The following RELN variants were observed in gnomAD, a reference collection of about 807,000 sequenced individuals.
RELN encodes reelin.
In RELN, 108 loss-of-function variants were observed where a neutral mutation model predicts 427.6. The observed-to-expected ratio is 0.25, with a 90% CI of 0.22 to 0.30. The LOEUF is 0.30. RELN is among the 10% of genes least tolerant of loss of function. RELN has a pLI of 1.00. For synonymous variants in RELN, 1,524 were observed against 1,513.4 expected, an observed-to-expected ratio of 1.01 and a Z score of -0.16; for missense variants, 3,715 against 4,302.8, an observed-to-expected ratio of 0.86 and a Z score of 3.82.
rs561938764 is a variant in RELN at position 103,755,492 on chromosome 7, C to G, written c.545-2278G>C. Among the ~76,000 whole-genome samples the G allele has an allele frequency of 4.6e-5, 7 of 151,942 alleles. No homozygotes were observed. In the East Asian group the frequency reaches 1.4e-3, roughly 29 times the overall value. On this transcript the variant is annotated intron_variant, in intron 4 of 64. Transcript: ENST00000428762. ...GCGTGGTGGCGGTCGCCTGTAGTCC[C>G]AGCTGCTCAGGAGGCTGAGGCAGGA...
At chr7:103,813,301 G>A (rs1335832728) in intron 3 of RELN, among the ~76,000 whole-genome samples, 1 of 152,140 alleles carries the variant, frequency 6.6e-6, no homozygotes, top group Non-Finnish European at 1.5e-5. Context: ...AATGAGAAAA[G>A]TTATAGCCAA....
intron 20 of RELN, among the ~76,000 whole-genome samples, chr7:103,617,641 A>G (rs959913595): frequency 6.6e-6 from 1 of 151,186 alleles, no homozygotes; most frequent in African/African-American, 2.5e-5. Context: ...ATATATATAC[A>G]TGTGTGTATA....
intron 2 of RELN, among the ~76,000 whole-genome samples, chr7:103,898,392 T>C (rs916866840): frequency 6.6e-6 from 1 of 152,066 alleles, no homozygotes; most frequent in Admixed American, 6.6e-5. Context: ...AATTTTCCTA[T>C]CATAGTGTTT....
chr7:103,774,402 T>G (rs1791685253), intron 4 of RELN, among the ~76,000 whole-genome samples: 1 of 152,164 alleles, frequency 6.6e-6, no homozygotes, highest in Non-Finnish European at 1.5e-5. Flanking sequence ...TCCTTTTACT[T>G]TTTCAATATG....
At chr7:103,734,537 T>C (rs1056388883) in intron 6 of RELN, among the ~76,000 whole-genome samples, 69 of 152,280 alleles carry the variant, frequency 4.5e-4, no homozygotes, top group Non-Finnish European at 1.3e-4. Context: ...TCAAAAACCA[T>C]TGAAAGCTTG....
intron 40 of RELN, among the ~76,000 whole-genome samples, chr7:103,552,088 A>AC (rs1830425696): frequency 6.6e-6 from 1 of 151,836 alleles, no homozygotes; most frequent in East Asian, 1.9e-4. Flanking sequence ...GTCTCCTCTC[A>AC]CCTACTTCTT....
chr7:103,804,958 T>C (rs1370597701), intron 3 of RELN, among the ~76,000 whole-genome samples: 3 of 152,028 alleles, frequency 2.0e-5, no homozygotes, highest in Non-Finnish European at 2.9e-5. Context: ...CATCAGGAGG[T>C]CTAGCAGGGA....
chr7:103,598,197 A>G (rs1831583560), intron 24 of RELN, among the ~76,000 whole-genome samples: 1 of 152,222 alleles, frequency 6.6e-6, no homozygotes, highest in African/African-American at 2.4e-5. Context: ...AAAATAAACA[A>G]GGGTGCTAGC....
chr7:103,566,833 G>A (rs1490903986), intron 31 of RELN, 74 bp from the exon 32 acceptor site: 3 of 1,427,838 alleles, frequency 2.1e-6, no homozygotes, highest in African/African-American at 2.8e-5. Context: ...CTTAAATGGT[G>A]AGACTGCAGC....
chr7:103,757,348 C>G (rs2116109859), intron 4 of RELN, among the ~76,000 whole-genome samples: 1 of 152,230 alleles, frequency 6.6e-6, no homozygotes, highest in East Asian at 1.9e-4. Context: ...TAGATTGAAT[C>G]ATTGAATTTT....
chr7:103,641,531 A>T (rs1236295527), intron 16 of RELN, among the ~76,000 whole-genome samples: 2 of 152,138 alleles, frequency 1.3e-5, no homozygotes, highest in Non-Finnish European at 2.9e-5. Flanking sequence ...CATTAAAGAT[A>T]TTGTTTCAGG....
intron 1 of RELN, among the ~76,000 whole-genome samples, chr7:103,987,329 C>T (rs1304410665): frequency 6.6e-6 from 1 of 152,100 alleles, no homozygotes; most frequent in Non-Finnish European, 1.5e-5. Context: ...CTATGTTATC[C>T]ATTCCTTTTC....
intron 3 of RELN, among the ~76,000 whole-genome samples, chr7:103,815,746 G>A (rs1480393137): frequency 2.0e-5 from 3 of 152,188 alleles, no homozygotes; most frequent in African/African-American, 7.2e-5. Context: ...ACACTGAGGT[G>A]TGTTACTCTG....
At chr7:103,666,097 T>C (rs1436464180) in intron 11 of RELN, among the ~76,000 whole-genome samples, 4 of 152,150 alleles carry the variant, frequency 2.6e-5, no homozygotes, top group Admixed American at 6.6e-5. Context: ...ATGGTCTTGC[T>C]CTGTTGTTCA....
At chr7:103,571,390 T>C (rs1450699854) in intron 31 of RELN, among the ~76,000 whole-genome samples, 1 of 152,218 alleles carries the variant, frequency 6.6e-6, no homozygotes, top group Admixed American at 6.5e-5. Context: ...TCAAGCCTTT[T>C]GCATTTCTTT....
At chr7:103,957,855 T>C (rs946837814) in intron 1 of RELN, among the ~76,000 whole-genome samples, 1 of 152,328 alleles carries the variant, frequency 6.6e-6, no homozygotes, top group South Asian at 2.1e-4. Context: ...GCAAAGCATG[T>C]ACCTTAATAG....
rs1793081048 is a variant in RELN, at chr7:103,824,430, T to C, written c.473+9107A>G. On this transcript the variant is annotated intron_variant, in intron 3 of 64. Coordinates refer to ENST00000428762, the MANE Select transcript of RELN (RefSeq NM_005045.4). This position sits in a 1 kb window ranked among gnomAD's most constrained non-coding sequence, Gnocchi z 4.4. ...GGGCCCAGTTCCAGCTCAGTCTCCTTTATTATCTCCTGCTGTCTTTTAAGA... is the reference window on the plus strand; with the variant it reads ...GGGCCCAGTTCCAGCTCAGTCTCCTCTATTATCTCCTGCTGTCTTTTAAGA... 6.6e-6 allele frequency among the ~76,000 whole-genome samples: 1 copy of C among 152,044 alleles called. No individual in the cohort carries two copies.
chr7:103,881,705 A>G (rs964391001), intron 2 of RELN, among the ~76,000 whole-genome samples: 1 of 152,142 alleles, frequency 6.6e-6, no homozygotes, highest in South Asian at 2.1e-4. Context: ...TTTGCAAGTG[A>G]AAAAGTAACG....
chr7:103,912,918 A>ATT (rs3216273), intron 2 of RELN, among the ~76,000 whole-genome samples: 16,720 of 151,302 alleles, frequency 0.11, 1,024 homozygotes, highest in South Asian at 0.18. Context: ...AGAGAGAATC[A>ATT]TTTTTTTTTC....
Sources: allele counts gnomAD v4.1 joint callset (sites outside exome capture counted in the v4.1 genomes callset), GRCh38; gene constraint gnomAD v4.1.1; non-coding constraint Gnocchi (gnomAD v3.1); transcripts MANE v1.5; gene names NCBI Gene and HGNC (gene_info 2026-07-23, HGNC 2026-07-21).